The following FSHR variants were observed in gnomAD, a reference collection of about 807,000 sequenced individuals.
The protein encoded by FSHR is follicle stimulating hormone receptor.
FSHR carries 46 observed loss-of-function variants against 52.1 expected under a neutral mutation model. That is an observed-to-expected ratio of 0.88 (90% confidence interval 0.70 to 1.13). The LOEUF (loss-of-function observed/expected upper bound fraction) is 1.13, where lower values mean the gene tolerates loss of function less well. FSHR is among the 50% of genes most tolerant of loss of function. FSHR has a pLI of 0.00. For missense variants in FSHR, 964 were observed against 834.6 expected (o/e 1.16, Z -1.91); for synonymous variants, 399 against 309.6 (o/e 1.29, Z -3.03).
chr2:49,072,691 T>A (rs377700557), intron 1 of FSHR, among the ~76,000 whole-genome samples: 1 of 152,152 alleles, frequency 6.6e-6, no homozygotes, highest in South Asian at 2.1e-4. Flanking sequence ...TAACTTGCAA[T>A]TTTGCAATTA....
chr2:49,108,249 G>C (rs1040913453), intron 1 of FSHR, among the ~76,000 whole-genome samples: 2 of 152,086 alleles, frequency 1.3e-5, no homozygotes, highest in Non-Finnish European at 2.9e-5. Flanking sequence ...ATTCAAACTG[G>C]AACTGCACTA....
chr2:49,058,872 A>G (rs950322873), intron 2 of FSHR, among the ~76,000 whole-genome samples: 15 of 152,224 alleles, frequency 9.9e-5, no homozygotes, highest in African/African-American at 3.4e-4. Context: ...AAATGACCTT[A>G]CTAACTAAAG....
intron 1 of FSHR, among the ~76,000 whole-genome samples, chr2:49,084,254 A>C (rs1016115039): frequency 6.6e-6 from 1 of 152,190 alleles, no homozygotes; most frequent in African/African-American, 2.4e-5. Flanking sequence ...TACTGGGTAC[A>C]TAACGAAATG....
chr2:49,056,780 A>G (rs912873533), intron 2 of FSHR, among the ~76,000 whole-genome samples: 8 of 152,066 alleles, frequency 5.3e-5, no homozygotes, highest in African/African-American at 1.7e-4. Flanking sequence ...ACAAGTCTCA[A>G]AAAAATTTTA....
intron 2 of FSHR, among the ~76,000 whole-genome samples, chr2:49,066,098 A>G (rs1669493206): frequency 6.6e-6 from 1 of 152,128 alleles, no homozygotes. Context: ...GAAGCGATTG[A>G]AAAGAAAGGA....
At chr2:49,055,407 T>C (rs1031584033) in intron 2 of FSHR, among the ~76,000 whole-genome samples, 2 of 150,616 alleles carry the variant, frequency 1.3e-5, no homozygotes, top group Non-Finnish European at 3.0e-5. Context: ...AAATAAATAT[T>C]CATATTATAG....
intron 4 of FSHR, among the ~76,000 whole-genome samples, chr2:49,001,866 A>C (rs563752537): frequency 6.6e-6 from 1 of 152,184 alleles, no homozygotes; most frequent in Non-Finnish European, 1.5e-5. Flanking sequence ...AATTATATCA[A>C]CTATGTAATC....
chr2:49,035,462 C>G (rs907349256), intron 2 of FSHR, among the ~76,000 whole-genome samples: 1 of 152,152 alleles, frequency 6.6e-6, no homozygotes, highest in Non-Finnish European at 1.5e-5. Flanking sequence ...TGCCTCCCAC[C>G]AGGGAAGTGT....
intron 1 of FSHR, among the ~76,000 whole-genome samples, chr2:49,074,084 T>C (rs1225754222): frequency 1.3e-5 from 2 of 151,890 alleles, no homozygotes; most frequent in Non-Finnish European, 2.9e-5. Flanking sequence ...ATGATAAAAC[T>C]ACTAGAAGAA....
chr2:49,086,799 T>C (rs762977361), intron 1 of FSHR, among the ~76,000 whole-genome samples: 3 of 152,136 alleles, frequency 2.0e-5, no homozygotes, highest in Non-Finnish European at 4.4e-5. Flanking sequence ...CGCCATCATG[T>C]CTGGCTAATT....
intron 2 of FSHR, among the ~76,000 whole-genome samples, chr2:49,063,484 A>G (rs1460535910): frequency 6.6e-6 from 1 of 152,136 alleles, no homozygotes; most frequent in African/African-American, 2.4e-5. Flanking sequence ...AATACTATTT[A>G]GTGATGAAAG....
rs771361079 is a variant in FSHR at position 48,988,991 on chromosome 2, A to G, written c.510T>C (p.Phe170=). The change falls in exon 6 of 10, where the codon TTT becomes TTC. Residue 170 remains phenylalanine, a synonymous_variant. Transcript: ENST00000406846. The part of the protein sequence containing the change: ...IERNSFVGLS[F]ESVILWLNKN... ...CCCTTACTTACAGAATCACACTTTC[A>G]AAGCTCAGCCCCACGAAAGAATTTC... 1 of 1,613,868 alleles carries G rather than the reference A, an allele frequency of 6.2e-7. No individual in the cohort carries two copies. Among genetic ancestry groups the G allele is most frequent in the Admixed American group, 1.7e-5 (1 of 60,026 alleles).
chr2:49,075,914 A>T (rs1669934658), intron 1 of FSHR, among the ~76,000 whole-genome samples: 1 of 152,208 alleles, frequency 6.6e-6, no homozygotes, highest in Non-Finnish European at 1.5e-5. Flanking sequence ...TGCTGGGATT[A>T]CAGGCATGAG....
At chr2:49,037,376 A>G (rs913759421) in intron 2 of FSHR, among the ~76,000 whole-genome samples, 1 of 152,218 alleles carries the variant, frequency 6.6e-6, no homozygotes, top group African/African-American at 2.4e-5. Flanking sequence ...TCCCCATTGA[A>G]CACACTTCAT....
chr2:49,038,393 G>A (rs1394732830), intron 2 of FSHR, among the ~76,000 whole-genome samples: 9 of 151,860 alleles, frequency 5.9e-5, no homozygotes, highest in African/African-American at 2.2e-4. Context: ...AGGCCAAGGC[G>A]GGCGGATCAC....
At chr2:49,013,486 A>ATATATATATATAT (rs1667359647) in intron 4 of FSHR, among the ~76,000 whole-genome samples, 1 of 63,974 alleles carries the variant, frequency 1.6e-5, no homozygotes. Flanking sequence ...ATATAAATAA[A>ATATATATATATAT]TATATATATA....
rs540274009 is a variant in FSHR, at chr2:49,062,522, G to C, written c.224+5697C>G. ...TGATCTGTGTGAAGATTTTTATGGAGAAGACCTCAAAAGCACAGGAAATAA... is the reference window on the plus strand; with the variant it reads ...TGATCTGTGTGAAGATTTTTATGGACAAGACCTCAAAAGCACAGGAAATAA... On this transcript the variant is annotated intron_variant, in intron 2 of 9. Transcript: ENST00000406846. Among the ~76,000 whole-genome samples the C allele has an allele frequency of 1.2e-3, 184 of 152,076 alleles. 1 individual carries two copies. Among genetic ancestry groups the C allele is most frequent in the African/African-American group, 4.3e-3 (177 of 41,524 alleles).
intron 1 of FSHR, among the ~76,000 whole-genome samples, chr2:49,095,288 A>T (rs924777773): frequency 6.6e-6 from 1 of 152,180 alleles, no homozygotes; most frequent in African/African-American, 2.4e-5. Context: ...CATATAAGTC[A>T]ATGGAATAGA....
intron 4 of FSHR, among the ~76,000 whole-genome samples, chr2:48,993,182 T>C (rs1052393976): frequency 4.6e-5 from 7 of 152,174 alleles, no homozygotes; most frequent in African/African-American, 1.7e-4. Flanking sequence ...GTAGCATCAA[T>C]ATTGTGTGAC....
Sources: allele counts gnomAD v4.1 joint callset (sites outside exome capture counted in the v4.1 genomes callset), GRCh38; gene constraint gnomAD v4.1.1; transcripts MANE v1.5; gene names NCBI Gene and HGNC (gene_info 2026-07-23, HGNC 2026-07-21).